FBN2: variants seen among roughly 807,000 people sequenced by gnomAD.
The protein encoded by FBN2 is fibrillin 2.
Under a neutral mutation model 355.6 loss-of-function variants are expected in FBN2, and 105 were observed. That is an observed-to-expected ratio of 0.30 (90% CI 0.25 to 0.35). FBN2 has a LOEUF of 0.35. Among genes scored for constraint, FBN2 ranks in the 10% least tolerant of loss-of-function variants. The pLI is 1.00. For synonymous variants in FBN2, 1,350 were observed against 1,301.2 expected, an observed-to-expected ratio of 1.04 and a Z score of -0.81; for missense variants, 3,280 against 3,758.7, an observed-to-expected ratio of 0.87 and a Z score of 3.33.
chr5:128,532,998 C>T (rs1029118008), intron 2 of FBN2, among the ~76,000 whole-genome samples: 15 of 152,114 alleles, frequency 9.9e-5, no homozygotes, highest in Non-Finnish European at 2.2e-4. Flanking sequence ...TGTGATCATG[C>T]CACTGCATTC....
chr5:128,290,853 A>G lies in FBN2; in HGVS notation c.6324T>C (p.Phe2108=), dbSNP rs1749303297. 6.2e-7 allele frequency: 1 copy of G among 1,614,132 alleles called. No homozygotes were observed. Among genetic ancestry groups the G allele is most frequent in the African/African-American group, 1.3e-5 (1 of 75,058 alleles). ...TGGGTACAGAACACTTTCCATTTTC[A>G]AAATTTGTGAAGCAGAAGCTCTGGC... The part of the protein sequence containing the change: ...DTRQSFCFTN[F]ENGKCSVPKA... The change falls in exon 50 of 65, where the codon TTT becomes TTC. Residue 2108 remains phenylalanine (F), a synonymous_variant. Coordinates refer to ENST00000262464, the MANE Select transcript of FBN2 (RefSeq NM_001999.4).
At chr5:128,454,734 C>G (rs1365948982) in intron 6 of FBN2, among the ~76,000 whole-genome samples, 1 of 152,170 alleles carries the variant, frequency 6.6e-6, no homozygotes. Flanking sequence ...ATTTGTTTTG[C>G]AGAAACCAAT....
intron 53 of FBN2, 63 bp from the exon 54 acceptor site, chr5:128,287,493 T>C: frequency 6.3e-7 from 1 of 1,585,270 alleles, no homozygotes; most frequent in East Asian, 2.3e-5. Context: ...TGTAACTAAA[T>C]GTTGATGTCA....
At chr5:128,277,342 G>A (rs1398690662) in intron 58 of FBN2, among the ~76,000 whole-genome samples, 1 of 152,202 alleles carries the variant, frequency 6.6e-6, no homozygotes, top group Non-Finnish European at 1.5e-5. Flanking sequence ...TAAAATGATA[G>A]AAGGATTCTG....
intron 6 of FBN2, among the ~76,000 whole-genome samples, chr5:128,462,518 A>T (rs1754585499): frequency 6.6e-6 from 1 of 152,186 alleles, no homozygotes; most frequent in South Asian, 2.1e-4. Flanking sequence ...TCATGTGGCA[A>T]ATTTCATTTT....
intron 48 of FBN2, among the ~76,000 whole-genome samples, chr5:128,292,964 A>T (rs1561752490): frequency 6.6e-6 from 1 of 152,168 alleles, no homozygotes; most frequent in East Asian, 1.9e-4. Context: ...AAACAGGTTT[A>T]TTTACAAAAT....
Position 128,304,862 on chromosome 5 carries a change from G to C in FBN2, c.5800+95C>G, listed in dbSNP as rs141005431. ...ATTTTTTGCAAGATTGTTTCTGACAGAGACATAGTAGTTACTCATGGCACT... is the reference window on the plus strand; with the variant it reads ...ATTTTTTGCAAGATTGTTTCTGACACAGACATAGTAGTTACTCATGGCACT... On this transcript the variant is annotated intron_variant, in intron 45 of 64. Transcript: ENST00000262464. 4.4e-4 allele frequency: 654 copies of C among 1,480,242 alleles called. 2 individuals are homozygous for C. In the African/African-American group the frequency reaches 8.3e-3, roughly 19 times the overall value. 91.7% of individuals were successfully genotyped at this position (1,480,242 alleles called of 1,614,324 possible). A position where few individuals can be genotyped will look rare whatever the true frequency, so the allele number is the denominator to read the frequency against.
At chr5:128,303,926 A>G (rs1749790276) in intron 45 of FBN2, among the ~76,000 whole-genome samples, 1 of 152,216 alleles carries the variant, frequency 6.6e-6, no homozygotes, top group Non-Finnish European at 1.5e-5. Flanking sequence ...AAATAAGACC[A>G]GATCCTGTAT....
At chr5:128,530,478 T>C (rs1218734542) in intron 3 of FBN2, 117 bp downstream of exon 3, 3 of 725,532 alleles carry the variant, frequency 4.1e-6, no homozygotes, top group East Asian at 5.4e-5. Context: ...ATAATGTTGA[T>C]GTAAGGATTA....
chr5:128,464,537 A>T (rs1754651081), intron 6 of FBN2, among the ~76,000 whole-genome samples, 187 bp downstream of exon 6: 1 of 152,158 alleles, frequency 6.6e-6, no homozygotes, highest in South Asian at 2.1e-4. Context: ...CATTAATGTC[A>T]ACAGTTGAAA....
At position 128,313,052 on chromosome 5, in the gene FBN2, A is replaced by G. The variant is rs11959637; in HGVS notation, c.4718-257T>C. Among the ~76,000 whole-genome samples, 256 of 152,294 alleles carry G rather than the reference A, an allele frequency of 1.7e-3. 1 individual carries two copies. Among genetic ancestry groups the G allele is most frequent in the African/African-American group, 5.9e-3 (247 of 41,566 alleles). On this transcript the variant is annotated intron_variant, in intron 36 of 64. Transcript: ENST00000262464. ...TTCCTATACTCATGGAATGGACAAG[A>G]TAGTAAGAAATTTCTCATTTGGGAC...
In FBN2 at chr5:128,261,799, G is replaced by T. The variant is rs1487391311; in HGVS notation, c.8301C>A (p.Ile2767=). 2 of 1,614,214 alleles carry T rather than the reference G, an allele frequency of 1.2e-6. No individual in the cohort carries two copies. The highest frequency in any genetic ancestry group is 1.7e-6 in the Non-Finnish European group (2 of 1,180,012). The change falls in exon 64 of 65, where the codon ATC becomes ATA. Residue 2767 remains isoleucine (I), a synonymous_variant. Coordinates refer to ENST00000262464, the MANE Select transcript of FBN2 (RefSeq NM_001999.4). ...TGCTGTCTTTCTTAGAATAGCCGTT[G>T]ATTTTGCACTCGTAGCATGCTTCTG... ...LSPEACYECK[I]NGYSKKDSRQ...
intron 5 of FBN2, among the ~76,000 whole-genome samples, chr5:128,494,586 G>T (rs1755602722): frequency 6.6e-6 from 1 of 152,192 alleles, no homozygotes; most frequent in Admixed American, 6.5e-5. Flanking sequence ...AGGCCTAACA[G>T]ATGGGTGTGA....
intron 62 of FBN2, among the ~76,000 whole-genome samples, chr5:128,267,301 T>C (rs1765141617): frequency 6.6e-6 from 1 of 152,216 alleles, no homozygotes; most frequent in African/African-American, 2.4e-5. Flanking sequence ...TGTGTCTTTA[T>C]AGTAGAATGA....
intron 8 of FBN2, among the ~76,000 whole-genome samples, chr5:128,396,734 T>A (rs1033071992): frequency 6.6e-6 from 1 of 152,220 alleles, no homozygotes; most frequent in Non-Finnish European, 1.5e-5. Context: ...GCCTTTATAG[T>A]AACCAATGGA....
intron 48 of FBN2, 150 bp downstream of exon 48, chr5:128,300,667 T>C: frequency 2.5e-6 from 2 of 793,254 alleles, no homozygotes; most frequent in South Asian, 3.0e-5. Context: ...TCATTTCTGA[T>C]GGTTCAGTAA....
Position 128,274,717 on chromosome 5 carries a change from T to C in FBN2, c.7595-34A>G. ...AGAGAGAAGCCAGTGAAAATCACAG[T>C]AGACTATCTGGCTATGTTTCCTTTC... is the stretch of plus-strand genomic sequence containing the variant. On this transcript the variant is annotated intron_variant, in intron 59 of 64. Coordinates refer to ENST00000262464, the MANE Select transcript of FBN2 (RefSeq NM_001999.4). The C allele has an allele frequency of 1.6e-6, 2 of 1,218,486 alleles. 1 individual carries two copies. The highest frequency in any genetic ancestry group is 2.4e-5 in the South Asian group (2 of 83,154). 75.5% of individuals were successfully genotyped at this position (1,218,486 alleles called of 1,614,324 possible).
At chr5:128,448,196 G>A (rs1447395192) in intron 6 of FBN2, among the ~76,000 whole-genome samples, 1 of 150,732 alleles carries the variant, frequency 6.6e-6, no homozygotes, top group African/African-American at 2.4e-5. Context: ...CAGAATGCCT[G>A]CAGGAGTCTT....
At position 128,446,622 on chromosome 5, in the gene FBN2, AT is replaced by A. The variant is rs756649450; in HGVS notation, c.827-17del. On this transcript the variant is annotated splice_polypyrimidine_tract_variant and intron_variant, in intron 6 of 64. Coordinates refer to ENST00000262464, the MANE Select transcript of FBN2 (RefSeq NM_001999.4). ...TCATCAACATCTGCAAGAAGAAAAC[AT>A]TTTGAACACAGATGACACTGGTTTT... The A allele has an allele frequency of 6.2e-7, 1 of 1,612,866 alleles. No homozygotes were observed. The highest frequency in any genetic ancestry group is 8.5e-7 in the Non-Finnish European group (1 of 1,179,202).
Sources: allele counts gnomAD v4.1 joint callset (sites outside exome capture counted in the v4.1 genomes callset), GRCh38; gene constraint gnomAD v4.1.1; transcripts MANE v1.5; gene names NCBI Gene and HGNC (gene_info 2026-07-23, HGNC 2026-07-21).